Variants in PHACTR1 observed in about 807,000 individuals in gnomAD.
PHACTR1 encodes the protein phosphatase and actin regulator 1.
In PHACTR1, 16 loss-of-function variants were observed where a neutral mutation model predicts 69.2. The ratio of observed to expected loss-of-function variants is 0.23; its 90% CI spans 0.16 to 0.35. The LOEUF is 0.35. Among genes scored for constraint, PHACTR1 ranks in the 10% least tolerant of loss-of-function variants. The pLI is 1.00. For missense variants in PHACTR1, 510 were observed against 734.7 expected, an observed-to-expected ratio of 0.69 and a Z score of 3.54; for synonymous variants, 312 against 284.5, an observed-to-expected ratio of 1.10 and a Z score of -0.97.
At chr6:13,233,044 G>T (rs560581024) in intron 10 of PHACTR1, among the ~76,000 whole-genome samples, 2 of 152,140 alleles carry the variant, frequency 1.3e-5, no homozygotes, top group African/African-American at 4.8e-5. Flanking sequence ...ATAGGAAGTC[G>T]GCCTGTGAGG....
intron 5 of PHACTR1, among the ~76,000 whole-genome samples, chr6:13,133,253 C>T (rs6934502): frequency 2.2e-4 from 24 of 108,212 alleles, no homozygotes; most frequent in Non-Finnish European, 3.8e-4. Context: ...CTTTCCCTCT[C>T]CCTCTCCCCA....
intron 4 of PHACTR1, among the ~76,000 whole-genome samples, chr6:13,017,199 AAAAAAAAAAT>A (rs948397455): frequency 2.0e-5 from 3 of 151,068 alleles, no homozygotes; most frequent in African/African-American, 4.9e-5. Flanking sequence ...AAAAAAAAAA[AAAAAAAAAAT>A]GCATCAACAA....
At chr6:12,718,928 G>T (rs1206689680) in intron 3 of PHACTR1, 81 bp downstream of exon 3, 6 of 757,950 alleles carry the variant, frequency 7.9e-6, no homozygotes, top group Non-Finnish European at 1.2e-5. Flanking sequence ...AGCTGTTAAA[G>T]CCTTGCTCTG....
intron 4 of PHACTR1, among the ~76,000 whole-genome samples, chr6:12,949,257 G>A (rs770867856): frequency 1.2e-3 from 117 of 97,950 alleles, no homozygotes; most frequent in South Asian, 6.0e-3. Context: ...CAACAAGAGC[G>A]AAACGTCATC....
chr6:12,723,098 A>G lies in PHACTR1; in HGVS notation c.103+4251A>G, dbSNP rs575368988. 1.2e-3 allele frequency among the ~76,000 whole-genome samples: 189 copies of G among 152,342 alleles called. 1 individual carries two copies. Among genetic ancestry groups the G allele is most frequent in the Admixed American group, 1.8e-3 (28 of 15,302 alleles). ...ACAAAATTAACATCATGAGATTTTT[A>G]GGTTAAAATGGACATTATAGGCCAG... On this transcript the variant is annotated intron_variant, in intron 3 of 14. Transcript: ENST00000332995.
chr6:13,014,149 G>A lies in PHACTR1; in HGVS notation c.251-39216G>A, dbSNP rs926217093. Among the ~76,000 whole-genome samples, 8 of 151,974 alleles carry A rather than the reference G, an allele frequency of 5.3e-5. No individual in the cohort carries two copies. The South Asian group carries it at 1.4e-3, about 28-fold the overall frequency. On this transcript the variant is annotated intron_variant, in intron 4 of 14. Transcript: ENST00000332995. Reference sequence around the variant, plus strand: ...GAGGACGCCCGGGACGGTGAGTGCCGGGGCCCGTCGGGGCGGCGGCGGCGA... The same window carrying A: ...GAGGACGCCCGGGACGGTGAGTGCCAGGGCCCGTCGGGGCGGCGGCGGCGA...
At chr6:12,985,539 A>ATATATATATAT (rs1298803313) in intron 4 of PHACTR1, among the ~76,000 whole-genome samples, 2 of 133,000 alleles carry the variant, frequency 1.5e-5, no homozygotes, top group African/African-American at 5.7e-5. Flanking sequence ...AAAAAAAAAA[A>ATATATATATAT]AAATATATAT....
chr6:13,091,079 C>T (rs753010921), intron 5 of PHACTR1, among the ~76,000 whole-genome samples: 3 of 152,004 alleles, frequency 2.0e-5, no homozygotes, highest in South Asian at 2.1e-4. Flanking sequence ...TGGCGCATCT[C>T]GGCTCACTGC....
At chr6:13,123,524 C>A (rs1270670525) in intron 5 of PHACTR1, among the ~76,000 whole-genome samples, 7 of 152,266 alleles carry the variant, frequency 4.6e-5, no homozygotes, top group Non-Finnish European at 8.8e-5. Flanking sequence ...AAATTTAGAT[C>A]CTACAGCCAG....
intron 8 of PHACTR1, among the ~76,000 whole-genome samples, chr6:13,213,636 C>T (rs1230324788): frequency 6.6e-6 from 1 of 152,166 alleles, no homozygotes; most frequent in African/African-American, 2.4e-5. Context: ...GGTGATTAGG[C>T]CATGAGGGCT....
intron 4 of PHACTR1, among the ~76,000 whole-genome samples, chr6:12,757,050 A>G (rs139395143): frequency 7.4e-4 from 112 of 152,342 alleles, no homozygotes; most frequent in Non-Finnish European, 1.3e-3. Context: ...AGTAAATTGT[A>G]TTGTATGTTA....
intron 5 of PHACTR1, among the ~76,000 whole-genome samples, chr6:13,139,538 C>T (rs1355114727): frequency 2.0e-5 from 3 of 152,160 alleles, no homozygotes; most frequent in Non-Finnish European, 2.9e-5. Flanking sequence ...TCCCAAAAAA[C>T]TTTCATTTGA....
rs1232617504 is a variant in PHACTR1, at chr6:13,179,528, A to G, written c.497-2991A>G. 6.6e-6 allele frequency among the ~76,000 whole-genome samples: 1 copy of G among 151,986 alleles called. No homozygotes were observed. Among genetic ancestry groups the G allele is most frequent in the South Asian group, 2.1e-4 (1 of 4,834 alleles). On this transcript the variant is annotated intron_variant, in intron 6 of 14. Coordinates refer to ENST00000332995, the MANE Select transcript of PHACTR1 (RefSeq NM_030948.6). The surrounding 1 kb of genome is among the most constrained non-coding windows in gnomAD (Gnocchi z 4.2). The stretch of plus-strand genomic sequence containing the variant: ...ATCCTTAAATGAATCCAAGTAAAAT[A>G]GTTTTTACTTTTATTGCTACCCATC...
intron 5 of PHACTR1, among the ~76,000 whole-genome samples, chr6:13,156,716 A>G (rs957746337): frequency 2.0e-5 from 3 of 151,872 alleles, no homozygotes; most frequent in African/African-American, 2.4e-5. Context: ...GCATCCTCCA[A>G]CCCCGATTCT....
intron 3 of PHACTR1, among the ~76,000 whole-genome samples, chr6:12,745,292 G>A (rs1765632865): frequency 6.6e-6 from 1 of 152,202 alleles, no homozygotes; most frequent in Non-Finnish European, 1.5e-5. Context: ...TGTAGTTCTG[G>A]ATATAACACA....
Position 13,228,038 on chromosome 6 carries a change from A to AGACGAC in PHACTR1, c.1213_1218dup (p.Asp405_Asp406dup). On this transcript the variant is annotated inframe_insertion, in exon 9 of 15. Coordinates refer to ENST00000332995, the MANE Select transcript of PHACTR1 (RefSeq NM_030948.6). ...AAGAGGAGGAAGAGGAGGAGGACGA[A>AGACGAC]GACGACGACAGCTCATTATACACCA... 1 of 1,613,300 alleles carries AGACGAC rather than the reference A, an allele frequency of 6.2e-7. No homozygotes were observed. The highest frequency in any genetic ancestry group is 1.1e-5 in the South Asian group (1 of 91,082).
At chr6:12,914,678 G>T (rs1279363615) in intron 4 of PHACTR1, among the ~76,000 whole-genome samples, 1 of 152,006 alleles carries the variant, frequency 6.6e-6, no homozygotes, top group African/African-American at 2.4e-5. Flanking sequence ...TGCTCTCTCA[G>T]GGGGAGCAAT....
In PHACTR1 at chr6:12,749,790, G is replaced by A. The variant is rs2127595827; in HGVS notation, c.250G>A (p.Ala84Thr). ...CAGGATCTCCTTTAACCTGGGGGCA[G>A]GTAAGAACGCCCCTGGCGCCGCGCC... ...EARISFNLGA[A>T]EEVERLAAMR... The change falls in exon 4 of 15, where the codon GCT becomes ACT. Residue 84 changes from alanine (A) to threonine (T), a missense_variant and splice_region_variant. By Grantham distance (58) the Ala-to-Thr change is moderately conservative. Coordinates refer to ENST00000332995, the MANE Select transcript of PHACTR1 (RefSeq NM_030948.6). The A allele has an allele frequency of 1.3e-6, 2 of 1,592,906 alleles. No individual in the cohort carries two copies. The highest frequency in any genetic ancestry group is 1.1e-5 in the South Asian group (1 of 90,510).
chr6:13,189,516 AG>A (rs1270005613), intron 7 of PHACTR1, among the ~76,000 whole-genome samples: 1 of 151,836 alleles, frequency 6.6e-6, no homozygotes, highest in African/African-American at 2.4e-5. Context: ...CTCCTATCTC[AG>A]CCTCCTGAGT....
Sources: allele counts gnomAD v4.1 joint callset (sites outside exome capture counted in the v4.1 genomes callset), GRCh38; gene constraint gnomAD v4.1.1; non-coding constraint Gnocchi (gnomAD v3.1); transcripts MANE v1.5; gene names NCBI Gene and HGNC (gene_info 2026-07-23, HGNC 2026-07-21).